Variants in CSMD1 observed in about 807,000 individuals in gnomAD.
CSMD1 encodes the protein CUB and Sushi multiple domains 1.
Under a neutral mutation model 417.5 loss-of-function variants are expected in CSMD1, and 213 were observed. The ratio of observed to expected loss-of-function variants is 0.51; its 90% CI spans 0.46 to 0.57. The LOEUF (loss-of-function observed/expected upper bound fraction) is 0.57. Among genes scored for constraint, CSMD1 ranks in the 20% least tolerant of loss-of-function variants. The pLI is 0.00. For missense variants in CSMD1, 6,923 were observed against 4,529.7 expected, an observed-to-expected ratio of 1.53 and a Z score of -15.17; for synonymous variants, 2,862 against 1,736.8, an observed-to-expected ratio of 1.65 and a Z score of -16.11.
intron 2 of CSMD1, among the ~76,000 whole-genome samples, chr8:4,469,744 G>C (rs1154074): frequency 0.92 from 140,684 of 152,190 alleles, 65,183 homozygotes; most frequent in African/African-American, 0.98. Context: ...TGCACAGGAG[G>C]CAATGGAAGG....
intron 12 of CSMD1, among the ~76,000 whole-genome samples, chr8:3,454,441 T>G (rs918752765): frequency 6.6e-6 from 1 of 152,240 alleles, no homozygotes; most frequent in South Asian, 2.1e-4. Flanking sequence ...GTTTTTGCAG[T>G]GGCTGGTACC....
intron 7 of CSMD1, among the ~76,000 whole-genome samples, chr8:3,671,200 G>A (rs989868354): frequency 1.4e-5 from 2 of 147,148 alleles, no homozygotes; most frequent in African/African-American, 2.5e-5. Context: ...ATAGGTATAT[G>A]GGATCTATGT....
chr8:4,387,570 C>CAAAAAAAAAA (rs540419006), intron 3 of CSMD1, among the ~76,000 whole-genome samples: 2,703 of 37,042 alleles, frequency 0.073, 723 homozygotes, highest in Non-Finnish European at 0.11. Flanking sequence ...TCCAAACTGG[C>CAAAAAAAAAA]AAAAAAAAAA....
At chr8:4,465,823 C>G (rs1208549163) in intron 2 of CSMD1, among the ~76,000 whole-genome samples, 1 of 152,132 alleles carries the variant, frequency 6.6e-6, no homozygotes, top group Non-Finnish European at 1.5e-5. Context: ...ACCCCACATT[C>G]CTGAAGTATC....
chr8:4,803,387 A>G (rs1223314567), intron 1 of CSMD1, among the ~76,000 whole-genome samples: 1 of 152,212 alleles, frequency 6.6e-6, no homozygotes, highest in Non-Finnish European at 1.5e-5. Context: ...GATGTACTCA[A>G]CATAGTTATT....
chr8:4,796,871 C>T (rs569161499), intron 1 of CSMD1, among the ~76,000 whole-genome samples: 3 of 152,252 alleles, frequency 2.0e-5, no homozygotes, highest in African/African-American at 7.2e-5. Flanking sequence ...TCAGGCAAGC[C>T]GCACATATGC....
chr8:3,939,558 C>G (rs1006678426), intron 5 of CSMD1, among the ~76,000 whole-genome samples: 17 of 152,108 alleles, frequency 1.1e-4, no homozygotes, highest in African/African-American at 4.1e-4. Context: ...GAAAAAGGCA[C>G]ATGCACAAGC....
intron 51 of CSMD1, among the ~76,000 whole-genome samples, chr8:3,026,043 G>A (rs1216513298): frequency 4.6e-5 from 7 of 152,114 alleles, no homozygotes; most frequent in African/African-American, 1.7e-4. Flanking sequence ...CCCCCTGAGT[G>A]AGGGCAGAAC....
At position 4,914,030 on chromosome 8, in the gene CSMD1, A is replaced by G. The variant is rs139410253; in HGVS notation, c.85+80302T>C. 2.9e-3 allele frequency among the ~76,000 whole-genome samples: 445 copies of G among 152,336 alleles called. 6 individuals carry two copies. The highest frequency in any genetic ancestry group is 0.01 in the African/African-American group (420 of 41,572). ...AAGGTGTGATGCTGCAGTTTCTTAA[A>G]GACATTTCCTGAAGAAACAAATCTT... On this transcript the variant is annotated intron_variant, in intron 1 of 69. Transcript: ENST00000635120.
chr8:3,929,800 T>C (rs890107141), intron 5 of CSMD1, among the ~76,000 whole-genome samples: 2 of 149,618 alleles, frequency 1.3e-5, no homozygotes, highest in Admixed American at 1.3e-4. Context: ...TAGCTGGGAC[T>C]ACAGGCACAT....
intron 5 of CSMD1, among the ~76,000 whole-genome samples, chr8:3,817,433 A>C (rs1211829277): frequency 6.6e-6 from 1 of 151,676 alleles, no homozygotes; most frequent in Non-Finnish European, 1.5e-5. Flanking sequence ...GGCGTGCGCC[A>C]ACATTCCCAG....
chr8:4,578,332 ATTTTTTTTT>A (rs1172600205), intron 2 of CSMD1, among the ~76,000 whole-genome samples: 3 of 48,768 alleles, frequency 6.2e-5, no homozygotes, highest in African/African-American at 1.5e-4. Context: ...CACCCGGCTC[ATTTTTTTTT>A]TTTTTTTTTT....
intron 3 of CSMD1, among the ~76,000 whole-genome samples, chr8:4,284,880 C>T (rs1231563397): frequency 6.6e-6 from 1 of 152,082 alleles, no homozygotes; most frequent in Admixed American, 6.6e-5. Context: ...GTTTAAAAAA[C>T]ACTTTTCTGT....
At chr8:4,782,137 G>A (rs576652176) in intron 1 of CSMD1, among the ~76,000 whole-genome samples, 1 of 152,146 alleles carries the variant, frequency 6.6e-6, no homozygotes, top group Admixed American at 6.5e-5. Context: ...AGGGGAGAGA[G>A]GTTGCTCAAT....
chr8:4,691,533 G>T (rs1017331980), intron 1 of CSMD1, among the ~76,000 whole-genome samples: 1 of 152,162 alleles, frequency 6.6e-6, no homozygotes, highest in African/African-American at 2.4e-5. Context: ...CCCATGAAAA[G>T]GGTTCTATAG....
At chr8:3,933,031 TAA>T (rs5889000) in intron 5 of CSMD1, among the ~76,000 whole-genome samples, 2,755 of 143,002 alleles carry the variant, frequency 0.019, 175 homozygotes, top group African/African-American at 0.057. Context: ...AAATGTATGA[TAA>T]AAAAAAAAAA....
At chr8:3,354,637 T>C (rs966453690) in intron 21 of CSMD1, among the ~76,000 whole-genome samples, 1 of 152,064 alleles carries the variant, frequency 6.6e-6, no homozygotes, top group African/African-American at 2.4e-5. Flanking sequence ...TTCATTATCC[T>C]ATAAACCTTT....
At chr8:3,170,950 C>T (rs1314868189) in intron 37 of CSMD1, among the ~76,000 whole-genome samples, 1 of 152,152 alleles carries the variant, frequency 6.6e-6, no homozygotes, top group Non-Finnish European at 1.5e-5. Flanking sequence ...ATAAAGCGGG[C>T]ACACAATGTT....
chr8:3,571,268 T>C (rs928241930), intron 10 of CSMD1, among the ~76,000 whole-genome samples: 5 of 152,214 alleles, frequency 3.3e-5, no homozygotes, highest in Admixed American at 2.0e-4. Context: ...CTGTGAATTC[T>C]AAATGTGCCT....
Sources: gnomAD v4.1 joint callset for allele counts (sites outside exome capture counted in the v4.1 genomes callset) on GRCh38, gnomAD v4.1.1 for gene constraint, MANE v1.5 for transcripts, NCBI Gene and HGNC (gene_info 2026-07-23, HGNC 2026-07-21) for gene names.